The following VWC2 variants were observed in gnomAD, a reference collection of about 807,000 sequenced individuals.
The protein encoded by VWC2 is von Willebrand factor C domain containing 2, also known as brorin.
A neutral mutation model predicts 29.8 loss-of-function variants in VWC2; 14 were observed. The observed-to-expected ratio is 0.47, with a 90% confidence interval of 0.31 to 0.74. VWC2 has a LOEUF of 0.74. Among genes scored for constraint, VWC2 ranks in the 30% least tolerant of loss-of-function variants. The pLI, the probability that VWC2 is intolerant of heterozygous loss-of-function variation, is 0.05. For missense variants in VWC2, 457 were observed against 459.8 expected (o/e 0.99, Z 0.05); for synonymous variants, 213 against 199.0 (o/e 1.07, Z -0.59).
chr7:49,870,348 G>A lies in VWC2; in HGVS notation c.827-41686G>A, dbSNP rs375449852. 4.3e-4 allele frequency among the ~76,000 whole-genome samples: 65 copies of A among 152,210 alleles called. No homozygotes were observed. The East Asian group carries it at 7.0e-3, about 16-fold the overall frequency. ...CCAGGAGGTGGAGCTTGCAGTGAGC[G>A]AAGATTGCGCCACTGCACTCCACCC... is the stretch of plus-strand genomic sequence containing the variant. On this transcript the variant is annotated intron_variant, in intron 3 of 3. Coordinates refer to ENST00000340652, the MANE Select transcript of VWC2 (RefSeq NM_198570.5).
intron 3 of VWC2, among the ~76,000 whole-genome samples, chr7:49,858,789 T>A (rs945491563): frequency 2.0e-5 from 3 of 152,234 alleles, no homozygotes; most frequent in African/African-American, 7.2e-5. Context: ...CTTATGTAGA[T>A]AGTATTAAAA....
rs1788374163 is a variant in VWC2 at position 49,788,852 on chromosome 7, G to A, written c.696+12721G>A. ...TGTGGGTATGAGTGTGTGTGAGCATGTGTGTGAGCGTGTGTGTGGGGGGTG... is the reference window on the plus strand; with the variant it reads ...TGTGGGTATGAGTGTGTGTGAGCATATGTGTGAGCGTGTGTGTGGGGGGTG... On this transcript the variant is annotated intron_variant, in intron 2 of 3. Coordinates refer to ENST00000340652, the MANE Select transcript of VWC2 (RefSeq NM_198570.5). Among the ~76,000 whole-genome samples, 2 of 145,844 alleles carry A rather than the reference G, an allele frequency of 1.4e-5. 1 individual carries two copies. Among genetic ancestry groups the A allele is most frequent in the Non-Finnish European group, 3.1e-5 (2 of 65,142 alleles).
chr7:49,865,437 G>C (rs561377943), intron 3 of VWC2, among the ~76,000 whole-genome samples: 1 of 152,216 alleles, frequency 6.6e-6, no homozygotes, highest in African/African-American at 2.4e-5. Flanking sequence ...GCAAAACGTA[G>C]TGGCTTCAAG....
chr7:49,819,528 A>G (rs1034593208), intron 3 of VWC2, among the ~76,000 whole-genome samples: 2 of 152,252 alleles, frequency 1.3e-5, no homozygotes, highest in Admixed American at 6.5e-5. Flanking sequence ...TGTAGGGGAA[A>G]AATAACATAG....
intron 3 of VWC2, among the ~76,000 whole-genome samples, chr7:49,804,351 C>G (rs1032931444): frequency 1.6e-4 from 24 of 151,750 alleles, no homozygotes; most frequent in African/African-American, 5.1e-4. Context: ...TCAGCACACC[C>G]GCTGAGGAGC....
At chr7:49,891,602 A>C (rs74926326) in intron 3 of VWC2, among the ~76,000 whole-genome samples, 3,711 of 152,294 alleles carry the variant, frequency 0.024, 68 homozygotes, top group Middle Eastern at 0.051. Context: ...AGGGTCGATA[A>C]AATATAACAA....
intron 3 of VWC2, among the ~76,000 whole-genome samples, chr7:49,855,937 TGA>T (rs1790400443): frequency 6.6e-6 from 1 of 152,182 alleles, no homozygotes; most frequent in South Asian, 2.1e-4. Context: ...TCAGATCCAC[TGA>T]GAGACACTAA....
chr7:49,854,668 G>A (rs1288595539), intron 3 of VWC2, among the ~76,000 whole-genome samples: 2 of 152,164 alleles, frequency 1.3e-5, no homozygotes, highest in Non-Finnish European at 2.9e-5. Flanking sequence ...TAGGTTGCCT[G>A]TTCACTCTGA....
Position 49,775,945 on chromosome 7 carries a change from G to A in VWC2, c.510G>A (p.Ala170=). 1.3e-6 allele frequency: 2 copies of A among 1,553,866 alleles called. No homozygotes were observed. Among genetic ancestry groups the A allele is most frequent in the Non-Finnish European group, 8.7e-7 (1 of 1,151,342 alleles). ...GFVYAIGEKF[A]PGPSACPCLC... ...TGTACGCGATCGGGGAGAAGTTCGC[G>A]CCGGGCCCCTCGGCCTGCCCGTGCC... The change falls in exon 2 of 4, where the codon GCG becomes GCA. Residue 170 remains alanine (A), a synonymous_variant. Coordinates refer to ENST00000340652, the MANE Select transcript of VWC2 (RefSeq NM_198570.5).
chr7:49,800,126 C>T (rs1255277968), intron 2 of VWC2, among the ~76,000 whole-genome samples: 3 of 152,206 alleles, frequency 2.0e-5, no homozygotes, highest in African/African-American at 7.2e-5. Flanking sequence ...GTGTGCATGC[C>T]TTTAAGCAGT....
chr7:49,855,489 T>G (rs1790377611), intron 3 of VWC2, among the ~76,000 whole-genome samples: 2 of 151,982 alleles, frequency 1.3e-5, no homozygotes, highest in Non-Finnish European at 2.9e-5. Context: ...ATTTCCCAGG[T>G]GAAAGAGGAC....
chr7:49,805,423 T>C (rs538159893), intron 3 of VWC2, among the ~76,000 whole-genome samples: 1 of 152,326 alleles, frequency 6.6e-6, no homozygotes, highest in South Asian at 2.1e-4. Context: ...TTGGGGAGTA[T>C]AACTGGAAAT....
At chr7:49,816,217 TTAG>T (rs748566248) in intron 3 of VWC2, among the ~76,000 whole-genome samples, 1 of 152,180 alleles carries the variant, frequency 6.6e-6, no homozygotes, top group Non-Finnish European at 1.5e-5. Flanking sequence ...AGGGAAGTTA[TTAG>T]TAGATTTAAT....
intron 3 of VWC2, among the ~76,000 whole-genome samples, chr7:49,803,061 GTTC>G (rs1788782446): frequency 6.6e-6 from 1 of 152,236 alleles, no homozygotes; most frequent in Non-Finnish European, 1.5e-5. Context: ...ATGTTAAGAA[GTTC>G]TTTGGGGAGA....
At chr7:49,779,038 G>GGGGA (rs372065719) in intron 2 of VWC2, among the ~76,000 whole-genome samples, 17 of 149,944 alleles carry the variant, frequency 1.1e-4, no homozygotes, top group African/African-American at 3.4e-4. Context: ...TTCCAGAGAG[G>GGGGA]GAGAGAGAGA....
intron 2 of VWC2, among the ~76,000 whole-genome samples, chr7:49,790,669 A>G (rs1324443115): frequency 6.6e-6 from 1 of 151,718 alleles, no homozygotes; most frequent in African/African-American, 2.4e-5. Context: ...TGATGAAGGG[A>G]CATCACATGG....
chr7:49,901,087 AT>A (rs1792699410), intron 3 of VWC2: 1 of 151,924 alleles, frequency 6.6e-6, no homozygotes, highest in Non-Finnish European at 1.5e-5. Flanking sequence ...GATAAAGACT[AT>A]TTACAAAAAA....
At chr7:49,786,785 T>G (rs1788309713) in intron 2 of VWC2, among the ~76,000 whole-genome samples, 1 of 152,254 alleles carries the variant, frequency 6.6e-6, no homozygotes, top group South Asian at 2.1e-4. Flanking sequence ...TGTCTAATTT[T>G]GAGAAGTGTC....
At chr7:49,890,218 C>T (rs1156868329) in intron 3 of VWC2, among the ~76,000 whole-genome samples, 2 of 152,116 alleles carry the variant, frequency 1.3e-5, no homozygotes, top group South Asian at 2.1e-4. Flanking sequence ...ATGTACTATC[C>T]TAATAATTTT....
Sources: allele counts gnomAD v4.1 joint callset (sites outside exome capture counted in the v4.1 genomes callset), GRCh38; gene constraint gnomAD v4.1.1; transcripts MANE v1.5; gene names NCBI Gene and HGNC (gene_info 2026-07-23, HGNC 2026-07-21).